Variants in EYS observed in about 807,000 individuals in gnomAD.
The protein encoded by EYS is protein eyes shut homolog.
Under a neutral mutation model 282.1 loss-of-function variants are expected in EYS, and 250 were observed. The ratio of observed to expected loss-of-function variants is 0.89; its 90% CI spans 0.80 to 0.98. The LOEUF (loss-of-function observed/expected upper bound fraction) is 0.98. EYS is among the 50% of genes least tolerant of loss of function. EYS has a pLI of 0.00. For missense variants in EYS, 4,016 were observed against 3,709.0 expected, an observed-to-expected ratio of 1.08 and a Z score of -2.15; for synonymous variants, 1,355 against 1,282.9, an observed-to-expected ratio of 1.06 and a Z score of -1.20.
chr6:64,167,141 T>G (rs1252378083), intron 31 of EYS, among the ~76,000 whole-genome samples: 3 of 152,204 alleles, frequency 2.0e-5, no homozygotes, highest in Non-Finnish European at 4.4e-5. Context: ...GTACTTTCTA[T>G]TAATGGTTAT....
rs191739905 is a variant in EYS at position 65,322,579 on chromosome 6, A to C, written c.1766+12401T>G. On this transcript the variant is annotated intron_variant, in intron 11 of 42. Coordinates refer to ENST00000503581, the MANE Select transcript of EYS (RefSeq NM_001142800.2). The stretch of plus-strand genomic sequence containing the variant: ...TGGGAGACCAAGGTGGGTGGATCAC[A>C]AAGTCAAGAGATCGAGACCATCCTG... Among the ~76,000 whole-genome samples, 1,512 of 152,088 alleles carry C rather than the reference A, an allele frequency of 9.9e-3. 20 individuals carry two copies. The highest frequency in any genetic ancestry group is 0.02 in the Middle Eastern group (6 of 294).
At chr6:63,850,705 C>T (rs973162079) in intron 36 of EYS, among the ~76,000 whole-genome samples, 1 of 152,160 alleles carries the variant, frequency 6.6e-6, no homozygotes, top group Non-Finnish European at 1.5e-5. Flanking sequence ...AAACCGGTAC[C>T]AGCCACTGCA....
intron 31 of EYS, among the ~76,000 whole-genome samples, chr6:64,191,097 G>T (rs1020594520): frequency 5.9e-5 from 9 of 151,956 alleles, no homozygotes; most frequent in Admixed American, 2.6e-4. Flanking sequence ...AAAATATTCT[G>T]CATAGTAATC....
chr6:65,473,112 C>T (rs772669919), intron 5 of EYS, among the ~76,000 whole-genome samples: 7 of 151,656 alleles, frequency 4.6e-5, no homozygotes, highest in Non-Finnish European at 7.4e-5. Context: ...ATCAGGCTAT[C>T]GGTAAGGAGA....
intron 35 of EYS, among the ~76,000 whole-genome samples, chr6:63,871,406 A>T (rs1581916327): frequency 2.0e-5 from 3 of 152,286 alleles, no homozygotes; most frequent in South Asian, 4.1e-4. Flanking sequence ...CATGCCTATA[A>T]TCTCAGCATT....
intron 29 of EYS, among the ~76,000 whole-genome samples, chr6:64,355,693 C>G (rs1408013776): frequency 6.6e-6 from 1 of 151,590 alleles, no homozygotes; most frequent in Non-Finnish European, 1.5e-5. Context: ...TCAATTCAAA[C>G]TTTAATTCAA....
At chr6:64,741,813 A>G (rs1772380726) in intron 22 of EYS, among the ~76,000 whole-genome samples, 1 of 152,156 alleles carries the variant, frequency 6.6e-6, no homozygotes, top group East Asian at 1.9e-4. Flanking sequence ...TTGAAGACAG[A>G]GAGTCAGGGT....
At chr6:65,227,001 G>A (rs1256068031) in intron 12 of EYS, among the ~76,000 whole-genome samples, 4 of 152,080 alleles carry the variant, frequency 2.6e-5, no homozygotes, top group African/African-American at 4.8e-5. Flanking sequence ...TTGGGAGGCC[G>A]AGGCCTGTGG....
intron 22 of EYS, among the ~76,000 whole-genome samples, chr6:64,736,212 C>T (rs1772177511): frequency 6.6e-6 from 1 of 151,880 alleles, no homozygotes; most frequent in South Asian, 2.1e-4. Flanking sequence ...CTTTCCATTC[C>T]CTTTTCATTA....
intron 10 of EYS, among the ~76,000 whole-genome samples, chr6:65,335,758 A>G (rs1182061957): frequency 6.6e-6 from 1 of 151,696 alleles, no homozygotes; most frequent in Non-Finnish European, 1.5e-5. Context: ...ATGAGGCACA[A>G]AAATCACCCT....
Position 64,935,793 on chromosome 6 carries a change from A to G in EYS, c.2381+10000T>C, listed in dbSNP as rs78215222. 8.8e-3 allele frequency among the ~76,000 whole-genome samples: 1,340 copies of G among 151,822 alleles called. 18 individuals carry two copies. The highest frequency in any genetic ancestry group is 0.019 in the South Asian group (94 of 4,834). Reference sequence around the variant, plus strand: ...GCATATCAATAAACTTACAATAAGCAAAGAGATTTAGTAATAAAAATGTGT... The same window carrying G: ...GCATATCAATAAACTTACAATAAGCGAAGAGATTTAGTAATAAAAATGTGT... On this transcript the variant is annotated intron_variant, in intron 15 of 42. Transcript: ENST00000503581.
At chr6:64,126,821 ATATATT>A (rs1270165580) in intron 31 of EYS, among the ~76,000 whole-genome samples, 1 of 151,636 alleles carries the variant, frequency 6.6e-6, no homozygotes, top group Non-Finnish European at 1.5e-5. Context: ...ATATATACAC[ATATATT>A]TAAATACATA....
At chr6:64,551,739 A>T (rs1765090537) in intron 26 of EYS, among the ~76,000 whole-genome samples, 1 of 151,910 alleles carries the variant, frequency 6.6e-6, no homozygotes, top group Non-Finnish European at 1.5e-5. Context: ...GTTTCGCTAA[A>T]ACTAGTGAAA....
chr6:64,341,054 C>T (rs950778906), intron 29 of EYS, among the ~76,000 whole-genome samples: 4 of 151,404 alleles, frequency 2.6e-5, no homozygotes, highest in African/African-American at 4.8e-5. Context: ...TATAAAAAAT[C>T]GAAAACAACA....
intron 19 of EYS, among the ~76,000 whole-genome samples, chr6:64,824,370 G>C (rs527643317): frequency 6.0e-4 from 92 of 152,076 alleles, no homozygotes; most frequent in Middle Eastern, 6.8e-3. Context: ...TTGTAAATGA[G>C]TGTTACTTAT....
chr6:63,984,130 G>A (rs752242148), intron 35 of EYS, among the ~76,000 whole-genome samples: 2 of 151,676 alleles, frequency 1.3e-5, no homozygotes, highest in East Asian at 1.9e-4. Flanking sequence ...ATTTGAAATT[G>A]CCAAAACCAG....
chr6:64,522,111 T>C (rs901341140), intron 26 of EYS, among the ~76,000 whole-genome samples: 13 of 151,812 alleles, frequency 8.6e-5, no homozygotes, highest in African/African-American at 1.7e-4. Flanking sequence ...GGTGCTGCCA[T>C]TGATGTGTTA....
rs550406460 is a variant in EYS at position 65,400,505 on chromosome 6, A to G, written c.1184+1973T>C. On this transcript the variant is annotated intron_variant, in intron 7 of 42. Transcript: ENST00000503581. Reference sequence around the variant, plus strand: ...TTTACAACTCCTTCTGCTCATAATAATAACATTTTTATGCTAACTTCCCAT... The same window carrying G: ...TTTACAACTCCTTCTGCTCATAATAGTAACATTTTTATGCTAACTTCCCAT... 2.8e-3 allele frequency among the ~76,000 whole-genome samples: 423 copies of G among 152,018 alleles called. 3 individuals are homozygous for G. The highest frequency in any genetic ancestry group is 9.0e-3 in the African/African-American group (374 of 41,512).
chr6:64,476,527 T>C (rs991152251), intron 26 of EYS, among the ~76,000 whole-genome samples: 4 of 152,084 alleles, frequency 2.6e-5, no homozygotes, highest in Non-Finnish European at 4.4e-5. Flanking sequence ...GAAAAAAATA[T>C]AGAAAATATT....
Sources: allele counts gnomAD v4.1 joint callset (sites outside exome capture counted in the v4.1 genomes callset), GRCh38; gene constraint gnomAD v4.1.1; transcripts MANE v1.5; gene names NCBI Gene and HGNC (gene_info 2026-07-23, HGNC 2026-07-21).